Variants in PDE4D observed in about 807,000 individuals in gnomAD.
PDE4D encodes the protein 3',5'-cyclic-AMP phosphodiesterase 4D.
Under a neutral mutation model 87.4 loss-of-function variants are expected in PDE4D, and 24 were observed. The observed-to-expected ratio is 0.27, with a 90% CI of 0.20 to 0.39. The LOEUF (loss-of-function observed/expected upper bound fraction) is 0.39. Among genes scored for constraint, PDE4D ranks in the 10% least tolerant of loss-of-function variants. The pLI, the probability that PDE4D is intolerant of heterozygous loss-of-function variation, is 1.00. For synonymous variants in PDE4D, 384 were observed against 383.2 expected, an observed-to-expected ratio of 1.00 and a Z score of -0.02; for missense variants, 714 against 1,041.0, an observed-to-expected ratio of 0.69 and a Z score of 4.32.
chr5:59,022,372 CTT>C (rs778752422), intron 6 of PDE4D, among the ~76,000 whole-genome samples: 2 of 152,076 alleles, frequency 1.3e-5, no homozygotes, highest in Non-Finnish European at 2.9e-5. Context: ...CGTCTTTCCT[CTT>C]TCTCTCTTTC....
intron 1 of PDE4D, among the ~76,000 whole-genome samples, chr5:59,624,806 A>G (rs1486864970): frequency 6.6e-6 from 1 of 152,158 alleles, no homozygotes; most frequent in Non-Finnish European, 1.5e-5. Flanking sequence ...GATTGCTATA[A>G]TTGAGTTCCT....
chr5:60,406,856 T>C (rs772595985), intron 1 of PDE4D, among the ~76,000 whole-genome samples: 3 of 152,120 alleles, frequency 2.0e-5, no homozygotes, highest in Non-Finnish European at 4.4e-5. Context: ...TTGTAAATTA[T>C]GTTGAAAAAA....
chr5:60,147,853 A>C, intron 2 of PDE4D: 1 of 451,196 alleles, frequency 2.2e-6, no homozygotes, highest in South Asian at 1.6e-5. Context: ...TTGTGAGTTG[A>C]CAGCTAGCTG....
intron 1 of PDE4D, chr5:59,768,358 G>T: frequency 6.3e-7 from 1 of 1,598,368 alleles, no homozygotes; most frequent in Non-Finnish European, 8.5e-7. Context: ...GAGCTTGGGA[G>T]AAACCGATTT....
intron 1 of PDE4D, among the ~76,000 whole-genome samples, chr5:59,667,004 G>A (rs769885726): frequency 3.1e-4 from 47 of 152,200 alleles, no homozygotes; most frequent in Non-Finnish European, 5.6e-4. Flanking sequence ...GCATGCAGAT[G>A]ATAATGTGTC....
chr5:59,840,988 G>A (rs1742918192), intron 1 of PDE4D, among the ~76,000 whole-genome samples: 1 of 151,944 alleles, frequency 6.6e-6, no homozygotes, highest in Non-Finnish European at 1.5e-5. Context: ...TTGTCCCAAG[G>A]TGTAGCAAAC....
chr5:59,245,231 A>T (rs947204429), intron 1 of PDE4D, among the ~76,000 whole-genome samples: 5 of 152,116 alleles, frequency 3.3e-5, no homozygotes, highest in African/African-American at 1.2e-4. Context: ...AGGGTACACA[A>T]GGACATGTTG....
intron 1 of PDE4D, among the ~76,000 whole-genome samples, chr5:59,723,128 G>T (rs921761632): frequency 1.3e-5 from 2 of 151,978 alleles, no homozygotes; most frequent in African/African-American, 4.8e-5. Flanking sequence ...TCATATTCAG[G>T]TCTAGTGGAA....
At chr5:59,308,743 G>T (rs1364428893) in intron 1 of PDE4D, among the ~76,000 whole-genome samples, 1 of 152,048 alleles carries the variant, frequency 6.6e-6, no homozygotes, top group African/African-American at 2.4e-5. Context: ...CTGGTCTCCT[G>T]CCAGGAGGTG....
At chr5:60,176,805 T>TAA (rs372615021) in intron 2 of PDE4D, among the ~76,000 whole-genome samples, 8 of 152,182 alleles carry the variant, frequency 5.3e-5, no homozygotes, top group African/African-American at 1.9e-4. Context: ...TGCCTTTGCA[T>TAA]AACGCTGTAA....
At chr5:60,081,931 A>C (rs1481247618) in intron 2 of PDE4D, among the ~76,000 whole-genome samples, 3 of 152,138 alleles carry the variant, frequency 2.0e-5, no homozygotes, top group Non-Finnish European at 4.4e-5. Flanking sequence ...AGTTTGAGTA[A>C]AGTAAATTCA....
intron 1 of PDE4D, among the ~76,000 whole-genome samples, chr5:60,339,887 T>C (rs538501072): frequency 1.3e-5 from 2 of 152,264 alleles, no homozygotes; most frequent in Non-Finnish European, 2.9e-5. Context: ...CCGAGGCAAC[T>C]CAGCATGTGC....
chr5:59,248,464 C>A (rs1035103087), intron 1 of PDE4D, among the ~76,000 whole-genome samples: 22 of 151,776 alleles, frequency 1.4e-4, no homozygotes, highest in African/African-American at 5.1e-4. Flanking sequence ...GGGCTCATTG[C>A]GGATTCCAAT....
chr5:60,427,381 G>A (rs1743815866), intron 1 of PDE4D, among the ~76,000 whole-genome samples: 2 of 152,158 alleles, frequency 1.3e-5, no homozygotes, highest in South Asian at 4.1e-4. Flanking sequence ...AGTGGGGACT[G>A]AAAACCCCAA....
intron 5 of PDE4D, among the ~76,000 whole-genome samples, chr5:59,099,570 C>T (rs1381473836): frequency 3.4e-5 from 5 of 148,606 alleles, no homozygotes; most frequent in East Asian, 1.9e-4. Context: ...TGTGACAGTA[C>T]GAGTTACTGT....
rs150262048 is a variant in PDE4D, at chr5:60,402,269, G to T, written c.-90+85673C>A. On this transcript the variant is annotated intron_variant, in intron 1 of 16. Transcript: ENST00000502484. ...TCCTGGAGGTTGTGCGACATACATG[G>T]GAAGACATGCGAATTTTGGCATCCA... Among the ~76,000 whole-genome samples, 4 of 152,252 alleles carry T rather than the reference G, an allele frequency of 2.6e-5. No homozygotes were observed. The East Asian group carries it at 7.7e-4, about 29-fold the overall frequency.
rs1791952307 is a variant in PDE4D, at chr5:59,407,751, T to C, written c.456-191783A>G. On this transcript the variant is annotated intron_variant, in intron 1 of 14. Transcript: ENST00000340635. ...CTTAGCAAAGAACTTGGCTACATTATATTCATGCCCAGGGACCTGTGAAAG... is the reference window on the plus strand; with the variant it reads ...CTTAGCAAAGAACTTGGCTACATTACATTCATGCCCAGGGACCTGTGAAAG... Among the ~76,000 whole-genome samples the C allele has an allele frequency of 2.0e-5, 3 of 152,228 alleles. No homozygotes were observed. In the South Asian group the frequency reaches 6.2e-4, roughly 32 times the overall value.
intron 6 of PDE4D, among the ~76,000 whole-genome samples, chr5:59,025,954 G>A (rs1014877204): frequency 6.6e-6 from 1 of 152,252 alleles, no homozygotes; most frequent in Non-Finnish European, 1.5e-5. Context: ...TGTCCCTATA[G>A]GGATTACAGT....
At chr5:60,171,324 A>G (rs1783408119) in intron 2 of PDE4D, among the ~76,000 whole-genome samples, 1 of 152,042 alleles carries the variant, frequency 6.6e-6, no homozygotes, top group Admixed American at 6.6e-5. Context: ...CTGAATATGT[A>G]CGGGGAGAGA....
Sources: allele counts gnomAD v4.1 joint callset (sites outside exome capture counted in the v4.1 genomes callset), GRCh38; gene constraint gnomAD v4.1.1; transcripts MANE v1.5; gene names NCBI Gene and HGNC (gene_info 2026-07-23, HGNC 2026-07-21).